BCAS3: variants seen among roughly 807,000 people sequenced by gnomAD.
The protein encoded by BCAS3 is BCAS4/BCAS3 fusion.
A neutral mutation model predicts 116.1 loss-of-function variants in BCAS3; 53 were observed. The ratio of observed to expected loss-of-function variants is 0.46; its 90% CI spans 0.37 to 0.57. The LOEUF (loss-of-function observed/expected upper bound fraction) is 0.57, where lower values mean the gene tolerates loss of function less well. Among genes scored for constraint, BCAS3 ranks in the 20% least tolerant of loss-of-function variants. The pLI is 0.00. For synonymous variants in BCAS3, 391 were observed against 408.2 expected (o/e 0.96, Z 0.51); for missense variants, 917 against 1,165.4 (o/e 0.79, Z 3.10).
chr17:60,867,997 T>G (rs560638926), intron 7 of BCAS3, among the ~76,000 whole-genome samples: 2 of 151,950 alleles, frequency 1.3e-5, no homozygotes, highest in Admixed American at 1.3e-4. Context: ...TATCTATTGG[T>G]GTAATCATAT....
intron 7 of BCAS3, among the ~76,000 whole-genome samples, chr17:60,831,740 GT>G (rs796971999): frequency 4.2e-4 from 60 of 144,484 alleles, no homozygotes; most frequent in Middle Eastern, 3.6e-3. Flanking sequence ...TTGGCGGTGG[GT>G]TTTTTTTTTT....
At chr17:60,781,400 A>G (rs1206045386) in intron 6 of BCAS3, among the ~76,000 whole-genome samples, 1 of 151,382 alleles carries the variant, frequency 6.6e-6, no homozygotes, top group Non-Finnish European at 1.5e-5. Context: ...GGAGTTTGAG[A>G]CCAGCCTGGC....
chr17:60,785,304 G>A (rs1274012670), intron 6 of BCAS3, among the ~76,000 whole-genome samples: 1 of 151,962 alleles, frequency 6.6e-6, no homozygotes, highest in Non-Finnish European at 1.5e-5. Context: ...GATTACAGGT[G>A]TGTGCCACCA....
In BCAS3 at chr17:60,956,547, A is replaced by G. The variant is rs1011881621; in HGVS notation, c.1221+9195A>G. On this transcript the variant is annotated intron_variant, in intron 14 of 23. Coordinates refer to ENST00000407086, the MANE Select transcript of BCAS3 (RefSeq NM_017679.5). This position sits in a 1 kb window ranked among gnomAD's most constrained non-coding sequence, Gnocchi z 4.2. Reference sequence around the variant, plus strand: ...CCTCTTTGTATTAAAGTTATTTGCCATTTAATTTATCTATAAGTTCAATAT... The same window carrying G: ...CCTCTTTGTATTAAAGTTATTTGCCGTTTAATTTATCTATAAGTTCAATAT... 3.3e-5 allele frequency among the ~76,000 whole-genome samples: 5 copies of G among 152,184 alleles called. No homozygotes were observed. Among genetic ancestry groups the G allele is most frequent in the African/African-American group, 7.2e-5 (3 of 41,450 alleles).
At chr17:61,193,999 C>A (rs1211929044) in intron 22 of BCAS3, among the ~76,000 whole-genome samples, 1 of 151,690 alleles carries the variant, frequency 6.6e-6, no homozygotes, top group African/African-American at 2.4e-5. Context: ...CACCTGTAAT[C>A]CCAGCTATTT....
chr17:60,920,867 C>T (rs949324557), intron 12 of BCAS3, among the ~76,000 whole-genome samples: 2 of 132,480 alleles, frequency 1.5e-5, no homozygotes, highest in African/African-American at 5.5e-5. Context: ...AAGACTCCAT[C>T]GCAAACAACA....
At chr17:61,257,831 C>T (rs189966193) in intron 22 of BCAS3, among the ~76,000 whole-genome samples, 165 of 152,284 alleles carry the variant, frequency 1.1e-3, no homozygotes, top group African/African-American at 3.8e-3. Flanking sequence ...GTATTAAATG[C>T]AGTGACACAA....
At chr17:61,292,117 T>A (rs975951046) in intron 22 of BCAS3, among the ~76,000 whole-genome samples, 1 of 152,032 alleles carries the variant, frequency 6.6e-6, no homozygotes, top group African/African-American at 2.4e-5. Context: ...TTGCCACATG[T>A]AACGTGGAGC....
intron 10 of BCAS3, among the ~76,000 whole-genome samples, chr17:60,891,003 A>G (rs1452752726): frequency 6.6e-6 from 1 of 152,218 alleles, no homozygotes; most frequent in Non-Finnish European, 1.5e-5. Flanking sequence ...CTGTCTAACT[A>G]CTAGATATGT....
chr17:61,044,597 A>T (rs369795745), intron 19 of BCAS3, among the ~76,000 whole-genome samples: 1 of 151,604 alleles, frequency 6.6e-6, no homozygotes, highest in East Asian at 1.9e-4. Context: ...ATGAGGACTT[A>T]TTGTATAATG....
intron 22 of BCAS3, among the ~76,000 whole-genome samples, chr17:61,287,924 T>TTCTATTTTAAG (rs1401962561): frequency 2.0e-5 from 3 of 152,224 alleles, no homozygotes; most frequent in African/African-American, 7.2e-5. Context: ...GTACCATTAT[T>TTCTATTTTAAG]TCTATTTTAA....
chr17:60,766,518 C>T (rs1420325428), intron 6 of BCAS3, among the ~76,000 whole-genome samples: 2 of 152,178 alleles, frequency 1.3e-5, no homozygotes, highest in Non-Finnish European at 2.9e-5. Flanking sequence ...GTACCACCAG[C>T]AGCAGCTGCA....
At position 61,058,303 on chromosome 17, in the gene BCAS3, C is replaced by T. The variant is rs560955306; in HGVS notation, c.2030-16617C>T. ...GAACTTGGCAGGGGACCAGAAACAC[C>T]ATATTGCCTTCAGTGCCTTTATGCC... On this transcript the variant is annotated intron_variant, in intron 19 of 23. Transcript: ENST00000407086. Among the ~76,000 whole-genome samples the T allele has an allele frequency of 8.6e-4, 131 of 152,218 alleles. No homozygotes were observed. The Middle Eastern group carries it at 0.024, about 28-fold the overall frequency.
At chr17:61,177,963 G>A (rs906750415) in intron 22 of BCAS3, among the ~76,000 whole-genome samples, 3 of 152,080 alleles carry the variant, frequency 2.0e-5, no homozygotes, top group African/African-American at 7.2e-5. Context: ...ATATACTATA[G>A]CTACTAAATG....
At chr17:60,702,414 T>G (rs1050579969) in intron 4 of BCAS3, among the ~76,000 whole-genome samples, 1 of 152,090 alleles carries the variant, frequency 6.6e-6, no homozygotes, top group African/African-American at 2.4e-5. Context: ...ATGGGACCCA[T>G]ATGAAGTGCC....
chr17:60,757,098 G>T lies in BCAS3; in HGVS notation c.403+9819G>T, dbSNP rs538253804. Among the ~76,000 whole-genome samples, 15 of 152,018 alleles carry T rather than the reference G, an allele frequency of 9.9e-5. No homozygotes were observed. In the South Asian group the frequency reaches 3.1e-3, roughly 32 times the overall value. On this transcript the variant is annotated intron_variant, in intron 6 of 23. Coordinates refer to ENST00000407086, the MANE Select transcript of BCAS3 (RefSeq NM_017679.5). ...GAATCCCTTGAACCCAGGAGGTGGT[G>T]GTTGCAATGAGCCGAGATCGCACCA...
At chr17:61,314,299 C>T (rs568402395) in intron 22 of BCAS3, among the ~76,000 whole-genome samples, 31 of 152,334 alleles carry the variant, frequency 2.0e-4, no homozygotes, top group African/African-American at 2.9e-4. Context: ...TAAAAGCCCT[C>T]GGTCCTTCTC....
chr17:60,972,712 A>G (rs1462351711), intron 14 of BCAS3, among the ~76,000 whole-genome samples: 1 of 152,092 alleles, frequency 6.6e-6, no homozygotes, highest in African/African-American at 2.4e-5. Context: ...TTGGCCTCCC[A>G]AAGCTCTGAG....
intron 22 of BCAS3, among the ~76,000 whole-genome samples, chr17:61,201,823 A>G (rs992127092): frequency 3.7e-4 from 56 of 151,124 alleles, no homozygotes; most frequent in Non-Finnish European, 7.8e-4. Context: ...CAGTGGCGCA[A>G]TCTCGGCTCA....
Sources: allele counts gnomAD v4.1 joint callset (sites outside exome capture counted in the v4.1 genomes callset), GRCh38; gene constraint gnomAD v4.1.1; non-coding constraint Gnocchi (gnomAD v3.1); transcripts MANE v1.5; gene names NCBI Gene and HGNC (gene_info 2026-07-23, HGNC 2026-07-21).